Variants in SDK1 observed in about 807,000 individuals in gnomAD.
SDK1 encodes sidekick cell adhesion molecule 1.
In SDK1, 157 loss-of-function variants were observed where a neutral mutation model predicts 245.5. The ratio of observed to expected loss-of-function variants is 0.64; its 90% CI spans 0.56 to 0.73. The LOEUF is 0.73. Among genes scored for constraint, SDK1 ranks in the 30% least tolerant of loss-of-function variants. SDK1 has a pLI of 0.00. For synonymous variants in SDK1, 1,647 were observed against 1,278.5 expected (o/e 1.29, Z -6.15); for missense variants, 3,583 against 3,002.3 (o/e 1.19, Z -4.52).
chr7:3,912,264 C>A (rs1779198138), intron 5 of SDK1, among the ~76,000 whole-genome samples: 1 of 152,166 alleles, frequency 6.6e-6, no homozygotes, highest in Non-Finnish European at 1.5e-5. Flanking sequence ...GGAGGAGGAG[C>A]TTTCTTTATT....
chr7:3,657,749 T>G (rs2128658274), intron 4 of SDK1, among the ~76,000 whole-genome samples: 1 of 152,266 alleles, frequency 6.6e-6, no homozygotes, highest in East Asian at 1.9e-4. Context: ...GGCACGTATG[T>G]TTTTCTTATC....
At chr7:3,565,921 C>A (rs1361029454) in intron 1 of SDK1, among the ~76,000 whole-genome samples, 5 of 152,132 alleles carry the variant, frequency 3.3e-5, no homozygotes, top group Admixed American at 1.3e-4. Flanking sequence ...AGAGGATGAA[C>A]TGTACATATG....
intron 5 of SDK1, among the ~76,000 whole-genome samples, chr7:3,910,447 G>C (rs1779124640): frequency 6.6e-6 from 1 of 152,202 alleles, no homozygotes; most frequent in African/African-American, 2.4e-5. Flanking sequence ...TTCTGTGTGT[G>C]TATGTGTGTG....
chr7:3,694,967 C>A (rs1053485111), intron 4 of SDK1, among the ~76,000 whole-genome samples: 3 of 152,180 alleles, frequency 2.0e-5, no homozygotes, highest in Non-Finnish European at 4.4e-5. Flanking sequence ...TCTTATTGAT[C>A]TACCAAACAT....
In SDK1 at chr7:3,310,795, TAAAAC is replaced by T. The variant is rs1386130672; in HGVS notation, c.298+8915_298+8919del. Among the ~76,000 whole-genome samples, 3 of 152,196 alleles carry T rather than the reference TAAAAC, an allele frequency of 2.0e-5. No individual in the cohort carries two copies. In the East Asian group the frequency reaches 5.8e-4, roughly 29 times the overall value. On this transcript the variant is annotated intron_variant, in intron 1 of 44. Coordinates refer to ENST00000404826, the MANE Select transcript of SDK1 (RefSeq NM_152744.4). ...TTAAGAGGATAGGCTTGGCATAAAA[TAAAAC>T]AAAGTTAACCACTTGCTAGCTTTGC...
intron 5 of SDK1, among the ~76,000 whole-genome samples, chr7:3,865,301 T>C (rs1323637017): frequency 1.3e-5 from 2 of 151,868 alleles, no homozygotes; most frequent in South Asian, 2.1e-4. Flanking sequence ...AAAGGGTGAG[T>C]TGGTGGGAGA....
At chr7:3,955,138 C>T (rs1030808448) in intron 7 of SDK1, among the ~76,000 whole-genome samples, 3 of 152,160 alleles carry the variant, frequency 2.0e-5, no homozygotes, top group Non-Finnish European at 4.4e-5. Context: ...CTCGGAAACT[C>T]GGACGGCGAG....
chr7:3,417,489 T>C (rs913915272), intron 1 of SDK1, among the ~76,000 whole-genome samples: 25 of 152,162 alleles, frequency 1.6e-4, no homozygotes, highest in African/African-American at 5.8e-4. Flanking sequence ...TATGGTCAAG[T>C]TCTAACTCTT....
rs1785901724 is a variant in SDK1, at chr7:4,010,986, C to T, written c.2152C>T (p.Leu718=). 1 of 1,614,230 alleles carries T rather than the reference C, an allele frequency of 6.2e-7. No individual in the cohort carries two copies. Residue 718 remains leucine, a synonymous_variant, in exon 15 of 45, where the codon CTG becomes TTG. Coordinates refer to ENST00000404826, the MANE Select transcript of SDK1 (RefSeq NM_152744.4). ...SENNSPWKVH[L]SNVGPEMTGV... is the part of the protein sequence containing the mutation. The stretch of plus-strand genomic sequence containing the variant: ...TTCAGACTCTCCATGGAAGGTGCAT[C>T]TGTCAAACGTTGGCCCTGAGATGAC...
chr7:3,566,713 C>T (rs1583173596), intron 1 of SDK1, among the ~76,000 whole-genome samples: 2 of 142,070 alleles, frequency 1.4e-5, no homozygotes, highest in Admixed American at 1.4e-4. Flanking sequence ...CTGCAAGAAA[C>T]TACTGCCAAA....
intron 5 of SDK1, among the ~76,000 whole-genome samples, chr7:3,856,009 A>T (rs981624700): frequency 1.3e-5 from 2 of 152,236 alleles, no homozygotes; most frequent in African/African-American, 4.8e-5. Context: ...ACTTACTGTT[A>T]AATCTAAATG....
chr7:3,901,177 T>C (rs1380534000), intron 5 of SDK1, among the ~76,000 whole-genome samples: 1 of 152,018 alleles, frequency 6.6e-6, no homozygotes, highest in East Asian at 1.9e-4. Flanking sequence ...AAGTTAACTG[T>C]CTTTTTTTTT....
chr7:3,715,185 C>G (rs1041907186), intron 4 of SDK1, among the ~76,000 whole-genome samples: 5 of 152,046 alleles, frequency 3.3e-5, no homozygotes, highest in African/African-American at 1.2e-4. Flanking sequence ...ACCCTGTTCA[C>G]AAATATACTA....
At chr7:3,906,555 G>A (rs1778943949) in intron 5 of SDK1, among the ~76,000 whole-genome samples, 1 of 149,796 alleles carries the variant, frequency 6.7e-6, no homozygotes, top group East Asian at 2.0e-4. Context: ...ATGGTTTAGA[G>A]CTGGTTTAAA....
At chr7:3,952,263 G>A (rs539699905) in intron 7 of SDK1, among the ~76,000 whole-genome samples, 17 of 152,222 alleles carry the variant, frequency 1.1e-4, no homozygotes, top group Admixed American at 9.8e-4. Context: ...TTTGGCTATC[G>A]TGATCGGTGT....
In SDK1 at chr7:4,081,682, C is replaced by T. The variant is rs184304326; in HGVS notation, c.3324+2098C>T. Among the ~76,000 whole-genome samples, 342 of 152,104 alleles carry T rather than the reference C, an allele frequency of 2.2e-3. 1 individual carries two copies. The highest frequency in any genetic ancestry group is 7.8e-3 in the African/African-American group (324 of 41,494). On this transcript the variant is annotated intron_variant, in intron 22 of 44. Coordinates refer to ENST00000404826, the MANE Select transcript of SDK1 (RefSeq NM_152744.4). ...ATCCGCCTGCCTCGGCCTCCCAAAT[C>T]GCTGGGATTACAGGCATGAGCCACC...
At chr7:4,070,415 C>T (rs1780175203) in intron 20 of SDK1, among the ~76,000 whole-genome samples, 1 of 152,212 alleles carries the variant, frequency 6.6e-6, no homozygotes, top group Non-Finnish European at 1.5e-5. Context: ...ATGGAGCCAC[C>T]TCGGGCTGGA....
intron 2 of SDK1, among the ~76,000 whole-genome samples, chr7:3,627,306 C>A (rs762537532): frequency 6.6e-6 from 1 of 152,166 alleles, no homozygotes; most frequent in Non-Finnish European, 1.5e-5. Flanking sequence ...GCTACTAGGA[C>A]TACCGGATCC....
At chr7:4,238,257 T>C (rs1463090869) in intron 42 of SDK1, among the ~76,000 whole-genome samples, 2 of 151,946 alleles carry the variant, frequency 1.3e-5, no homozygotes, top group African/African-American at 4.8e-5. Flanking sequence ...TTTTTGTATT[T>C]TTAGTAGAGG....
Sources: gnomAD v4.1 joint callset for allele counts (sites outside exome capture counted in the v4.1 genomes callset) on GRCh38, gnomAD v4.1.1 for gene constraint, MANE v1.5 for transcripts, NCBI Gene and HGNC (gene_info 2026-07-23, HGNC 2026-07-21) for gene names.